The following CLYBL variants were observed in gnomAD, a reference collection of about 807,000 sequenced individuals.
CLYBL encodes citramalyl-CoA lyase, mitochondrial.
CLYBL carries 31 observed loss-of-function variants against 38.9 expected under a neutral mutation model. That is an observed-to-expected ratio of 0.80 (90% CI 0.60 to 1.08). CLYBL has a LOEUF of 1.08. CLYBL is among the 50% of genes least tolerant of loss of function. The pLI is 0.00. For synonymous variants in CLYBL, 171 were observed against 158.6 expected (o/e 1.08, Z -0.59); for missense variants, 434 against 411.6 (o/e 1.05, Z -0.47).
chr13:99,718,073 C>T (rs1216608156), intron 1 of CLYBL, among the ~76,000 whole-genome samples: 2 of 149,960 alleles, frequency 1.3e-5, no homozygotes, highest in African/African-American at 4.9e-5. Flanking sequence ...GAGACAGGGT[C>T]TCCCTAAGTT....
intron 2 of CLYBL, among the ~76,000 whole-genome samples, chr13:99,830,438 C>T (rs1001924603): frequency 1.3e-5 from 2 of 152,158 alleles, no homozygotes; most frequent in African/African-American, 4.8e-5. Context: ...GAAAGTGGCA[C>T]CTAGAGCCAG....
At chr13:99,754,116 G>A (rs1468302021) in intron 1 of CLYBL, among the ~76,000 whole-genome samples, 61 of 57,916 alleles carry the variant, frequency 1.1e-3, no homozygotes, top group Non-Finnish European at 1.5e-3. Context: ...AAAAAAAAAA[G>A]TATTAGGACT....
At chr13:99,797,541 T>C (rs1208055420) in intron 2 of CLYBL, among the ~76,000 whole-genome samples, 1 of 150,106 alleles carries the variant, frequency 6.7e-6, no homozygotes, top group Non-Finnish European at 1.5e-5. Context: ...AAGATTTCTG[T>C]GTCTGCCATG....
rs577427637 is a variant in CLYBL, at chr13:99,890,720, G to A, written c.928-598G>A. Among the ~76,000 whole-genome samples the A allele has an allele frequency of 5.5e-4, 84 of 152,166 alleles. 1 individual carries two copies. Among genetic ancestry groups the A allele is most frequent in the Middle Eastern group, 3.4e-3 (1 of 294 alleles). On this transcript the variant is annotated intron_variant, in intron 7 of 8. Coordinates refer to ENST00000339105, the MANE Select transcript of CLYBL (RefSeq NM_206808.5). Reference sequence around the variant, plus strand: ...TGACTTCAGGTGATCCGCCCGCCCCGGCCTCCCAAAGTGCTGGGATTACAG... The same window carrying A: ...TGACTTCAGGTGATCCGCCCGCCCCAGCCTCCCAAAGTGCTGGGATTACAG...
chr13:99,823,533 T>C (rs923196861), intron 2 of CLYBL, among the ~76,000 whole-genome samples: 1 of 152,228 alleles, frequency 6.6e-6, no homozygotes, highest in African/African-American at 2.4e-5. Context: ...TAAAATGTCA[T>C]ATAATTGGAA....
At chr13:99,709,923 C>CTTTTTTTTTTTTTTTTTTTTTT (rs373484721) in intron 1 of CLYBL, among the ~76,000 whole-genome samples, 3 of 110,458 alleles carry the variant, frequency 2.7e-5, no homozygotes, top group African/African-American at 3.6e-5. Flanking sequence ...TTCTTTCTTT[C>CTTTTTTTTTTTTTTTTTTTTTT]TTTTTTTTTT....
intron 1 of CLYBL, among the ~76,000 whole-genome samples, chr13:99,766,256 C>G (rs1020729080): frequency 3.3e-5 from 5 of 152,086 alleles, no homozygotes; most frequent in African/African-American, 4.8e-5. Context: ...AGTAGCCTAT[C>G]TTTAGGCTCA....
At chr13:99,607,989 C>G (rs1196499412) in intron 1 of CLYBL, among the ~76,000 whole-genome samples, 1 of 151,984 alleles carries the variant, frequency 6.6e-6, no homozygotes, top group African/African-American at 2.4e-5. Context: ...AGGGGGTCCA[C>G]CCGGATCAGC....
intron 2 of CLYBL, among the ~76,000 whole-genome samples, chr13:99,800,492 T>C (rs1008461580): frequency 2.0e-5 from 3 of 152,202 alleles, no homozygotes; most frequent in African/African-American, 7.2e-5. Flanking sequence ...CTGAGGATAC[T>C]GCTTGGGCCT....
Position 99,743,934 on chromosome 13 carries a change from T to C in CLYBL, c.63-28890T>C, listed in dbSNP as rs527673370. On this transcript the variant is annotated intron_variant, in intron 1 of 8. Coordinates refer to ENST00000339105, the MANE Select transcript of CLYBL (RefSeq NM_206808.5). ...AACCTGAATTCTTAGATTTTGCTTC[T>C]ACACTCCACTTTCTTTTTTTTTCTC... Among the ~76,000 whole-genome samples the C allele has an allele frequency of 2.0e-5, 3 of 151,446 alleles. No individual in the cohort carries two copies. In the East Asian group the frequency reaches 5.8e-4, roughly 29 times the overall value.
Position 99,865,591 on chromosome 13 carries a change from G to T in CLYBL, c.635-649G>T, listed in dbSNP as rs1382525026. Among the ~76,000 whole-genome samples, 1 of 152,160 alleles carries T rather than the reference G, an allele frequency of 6.6e-6. No individual in the cohort carries two copies. Among genetic ancestry groups the T allele is most frequent in the East Asian group, 1.9e-4 (1 of 5,194 alleles). ...AGGCAGGGAGTGGCATGTTCCAAAT[G>T]TAAACAGGGACACTTCCCTCCCCTC... On this transcript the variant is annotated intron_variant, in intron 5 of 8. Transcript: ENST00000339105. The surrounding 1 kb of genome is among the most constrained non-coding windows in gnomAD (Gnocchi z 4.7).
intron 1 of CLYBL, among the ~76,000 whole-genome samples, chr13:99,625,520 G>A (rs1393132093): frequency 1.3e-5 from 2 of 152,162 alleles, no homozygotes; most frequent in African/African-American, 4.8e-5. Flanking sequence ...GTTAATGAAG[G>A]ATAAGAAACT....
At position 99,831,712 on chromosome 13, in the gene CLYBL, A is replaced by G. The variant is rs144906452; in HGVS notation, c.250-27149A>G. 7.3e-3 allele frequency among the ~76,000 whole-genome samples: 1,073 copies of G among 147,208 alleles called. 15 individuals carry two copies. Among genetic ancestry groups the G allele is most frequent in the African/African-American group, 0.026 (1,029 of 39,900 alleles). On this transcript the variant is annotated intron_variant, in intron 2 of 8. Coordinates refer to ENST00000339105, the MANE Select transcript of CLYBL (RefSeq NM_206808.5). ...ATACCCGCTTCTTGAGTGAACCACC[A>G]TTTTCTTTCTTTTTTTTTTTTTTGT...
intron 8 of CLYBL, chr13:99,892,174 G>C (rs2052506249): frequency 6.6e-6 from 1 of 152,118 alleles, no homozygotes; most frequent in Non-Finnish European, 1.5e-5. Context: ...TGCCATTGAG[G>C]CTATTTCCCC....
Position 99,871,017 on chromosome 13 carries a change from T to G in CLYBL, c.882T>G (p.Ala294=). ...FSPSPEKIKW[A]EELIAAFKEH... is the part of the protein sequence containing the mutation. ...CTTCCCCTGAAAAAATTAAGTGGGCTGAAGAACTGATTGCTGCCTTTAAAG... is the reference window on the plus strand; with the variant it reads ...CTTCCCCTGAAAAAATTAAGTGGGCGGAAGAACTGATTGCTGCCTTTAAAG... Residue 294 remains alanine (A), a synonymous_variant, in exon 7 of 9, where the codon GCT becomes GCG. Transcript: ENST00000339105. 6.2e-7 allele frequency: 1 copy of G among 1,613,998 alleles called. No homozygotes were observed. The highest frequency in any genetic ancestry group is 2.2e-5 in the East Asian group (1 of 44,886).
At chr13:99,615,520 C>T (rs1303793591) in intron 1 of CLYBL, among the ~76,000 whole-genome samples, 1 of 152,196 alleles carries the variant, frequency 6.6e-6, no homozygotes, top group Non-Finnish European at 1.5e-5. Context: ...CACAATTCCT[C>T]ATTAATTCCA....
At chr13:99,783,696 C>T (rs1002750796) in intron 2 of CLYBL, among the ~76,000 whole-genome samples, 12 of 152,064 alleles carry the variant, frequency 7.9e-5, no homozygotes, top group African/African-American at 1.9e-4. Context: ...CCGCCCGCCT[C>T]GGCCTCCCAA....
intron 2 of CLYBL, among the ~76,000 whole-genome samples, chr13:99,784,160 T>C (rs1312496921): frequency 6.6e-6 from 1 of 152,182 alleles, no homozygotes; most frequent in African/African-American, 2.4e-5. Context: ...AAAAGGATCA[T>C]GAACCCATAT....
intron 6 of CLYBL, among the ~76,000 whole-genome samples, chr13:99,866,842 T>C (rs2051760060): frequency 6.6e-6 from 1 of 152,168 alleles, no homozygotes; most frequent in Non-Finnish European, 1.5e-5. Flanking sequence ...TGGTTTTTGT[T>C]TTGTTTTTTA....
Sources: allele counts gnomAD v4.1 joint callset (sites outside exome capture counted in the v4.1 genomes callset), GRCh38; gene constraint gnomAD v4.1.1; non-coding constraint Gnocchi (gnomAD v3.1); transcripts MANE v1.5; gene names NCBI Gene and HGNC (gene_info 2026-07-23, HGNC 2026-07-21).